DIAPH1: variants seen among roughly 807,000 people sequenced by gnomAD.
The protein encoded by DIAPH1 is diaphanous related formin 1, also known as protein diaphanous homolog 1.
DIAPH1 carries 46 observed loss-of-function variants against 140.7 expected under a neutral mutation model. The observed-to-expected ratio is 0.33, with a 90% CI of 0.26 to 0.42. The LOEUF is 0.42. Among genes scored for constraint, DIAPH1 ranks in the 10% least tolerant of loss-of-function variants. DIAPH1 has a pLI of 1.00. For synonymous variants in DIAPH1, 565 were observed against 551.6 expected (o/e 1.02, Z -0.34); for missense variants, 1,310 against 1,558.7 (o/e 0.84, Z 2.69).
At chr5:141,535,357 C>T (rs186511151) in intron 18 of DIAPH1, among the ~76,000 whole-genome samples, 9 of 152,310 alleles carry the variant, frequency 5.9e-5, no homozygotes, top group Non-Finnish European at 1.0e-4. Context: ...TTCAGACTAT[C>T]CAAAGCCATC....
chr5:141,526,869 T>C (rs997099284), intron 24 of DIAPH1, among the ~76,000 whole-genome samples: 10 of 151,704 alleles, frequency 6.6e-5, no homozygotes, highest in Non-Finnish European at 1.5e-5. Flanking sequence ...GCTGATTTTT[T>C]TGTATTTTTA....
rs2099885516 is a variant in DIAPH1, at chr5:141,515,300, G to C, written c.*1551C>G. On this transcript the variant is annotated 3_prime_UTR_variant, in exon 28 of 28. Coordinates refer to ENST00000389054, the MANE Select transcript of DIAPH1 (RefSeq NM_005219.5). ...GGAATAGTCCAAAGGAGCTGCTCTT[G>C]CCCCTTTATACACAAGCGCCAGCAA... 1 of 152,268 alleles carries C rather than the reference G, an allele frequency of 6.6e-6. No individual in the cohort carries two copies. The highest frequency in any genetic ancestry group is 1.5e-5 in the Non-Finnish European group (1 of 68,058). 9.4% of individuals were successfully genotyped at this position (152,268 alleles called of 1,614,324 possible).
chr5:141,536,251 G>T lies in DIAPH1; in HGVS notation c.2483-1818C>A, dbSNP rs555229571. On this transcript the variant is annotated intron_variant, in intron 18 of 27. Coordinates refer to ENST00000389054, the MANE Select transcript of DIAPH1 (RefSeq NM_005219.5). ...CAGGAGATTGAGGCTGCAGTGAGCT[G>T]TGATGGTGCCACTGCACTCCAGCCT... Among the ~76,000 whole-genome samples the T allele has an allele frequency of 2.0e-5, 3 of 152,290 alleles. No individual in the cohort carries two copies. In the East Asian group the frequency reaches 5.8e-4, roughly 29 times the overall value.
At chr5:141,595,885 T>G (rs563705250) in intron 1 of DIAPH1, among the ~76,000 whole-genome samples, 1 of 152,144 alleles carries the variant, frequency 6.6e-6, no homozygotes, top group South Asian at 2.1e-4. Flanking sequence ...AAAAAAAGGC[T>G]TAAAAAAATT....
At chr5:141,566,649 C>G (rs1484900626) in intron 18 of DIAPH1, among the ~76,000 whole-genome samples, 2 of 152,160 alleles carry the variant, frequency 1.3e-5, no homozygotes, top group African/African-American at 4.8e-5. Context: ...AATCCCAGCA[C>G]TTTGGGAGGC....
At chr5:141,584,588 TA>T (rs2154596627) in intron 3 of DIAPH1, among the ~76,000 whole-genome samples, 1 of 152,224 alleles carries the variant, frequency 6.6e-6, no homozygotes, top group African/African-American at 2.4e-5. Context: ...ATGAATGGCA[TA>T]ATCTAAACAC....
At chr5:141,587,967 A>T (rs2099897791) in intron 2 of DIAPH1, among the ~76,000 whole-genome samples, 1 of 152,226 alleles carries the variant, frequency 6.6e-6, no homozygotes, top group Admixed American at 6.5e-5. Flanking sequence ...TAGGGCTTCA[A>T]GTGATATGAG....
chr5:141,609,963 A>G (rs544842835), intron 1 of DIAPH1, among the ~76,000 whole-genome samples: 1 of 152,314 alleles, frequency 6.6e-6, no homozygotes, highest in South Asian at 2.1e-4. Context: ...GCATGATAGA[A>G]AAGAGGGAAA....
In DIAPH1 at chr5:141,562,233, GAAC is replaced by G. The variant is rs1382468011; in HGVS notation, c.2482+9192_2482+9194del. Among the ~76,000 whole-genome samples the G allele has an allele frequency of 9.3e-3, 1,152 of 124,362 alleles. 19 individuals are homozygous for G. Among genetic ancestry groups the G allele is most frequent in the African/African-American group, 0.028 (1,093 of 38,708 alleles). The allele number at this position is 124,362 out of a possible 152,430, so 81.6% of individuals were successfully genotyped here. On this transcript the variant is annotated intron_variant, in intron 18 of 27. Coordinates refer to ENST00000389054, the MANE Select transcript of DIAPH1 (RefSeq NM_005219.5). The stretch of plus-strand genomic sequence containing the variant: ...TAGCTACTGTTTCAAAAAAAAAAAA[GAAC>G]AATTATTTCATTACTCTACTTTTGT...
intron 1 of DIAPH1, among the ~76,000 whole-genome samples, chr5:141,592,851 C>T (rs2099898710): frequency 6.6e-6 from 1 of 152,124 alleles, no homozygotes; most frequent in South Asian, 2.1e-4. Flanking sequence ...CCAAATCTGG[C>T]TTAGGAATCC....
rs1263533400 is a variant in DIAPH1, at chr5:141,576,804, G to T, written c.1348C>A (p.Pro450Thr). 6 of 1,614,006 alleles carry T rather than the reference G, an allele frequency of 3.7e-6. No individual in the cohort carries two copies. The highest frequency in any genetic ancestry group is 5.1e-6 in the Non-Finnish European group (6 of 1,179,924). ...QIVLHKNGAD[P>T]DFKCRHLQIE... ...TGGAGGTGCCGGCACTTGAAGTCAGGATCAGCCCCGTTCTTGTGCAGAACT... is the reference window on the plus strand; with the variant it reads ...TGGAGGTGCCGGCACTTGAAGTCAGTATCAGCCCCGTTCTTGTGCAGAACT... Residue 450 changes from proline (P) to threonine (T), a missense_variant, in exon 13 of 28, where the codon CCT (proline) becomes ACT (threonine). Physicochemically the swap from Pro to Thr is conservative, Grantham distance 38 (BLOSUM62 -1). Around this residue, in one of 3 missense-constraint regions of DIAPH1, gnomAD observed 589 missense variants for 549.3 expected, o/e 1.07. Transcript: ENST00000389054.
At position 141,587,084 on chromosome 5, in the gene DIAPH1, A is replaced by G. The variant is rs758866079; in HGVS notation, c.258T>C (p.Asp86=). 2.5e-6 allele frequency: 4 copies of G among 1,614,060 alleles called. No individual in the cohort carries two copies. The highest frequency in any genetic ancestry group is 3.3e-5 in the Admixed American group (2 of 60,002). Residue 86 remains aspartate (D), a synonymous_variant, in exon 3 of 28, where the codon GAT becomes GAC. Transcript: ENST00000389054. ...GAACCAGCACTTGTTCATCTGAAAC[A>G]TCTTGCAATGACTGTGCTGTGGGAT... is the stretch of plus-strand genomic sequence containing the variant. ...GDDPTAQSLQ[D]VSDEQVLVLF...
At chr5:141,544,661 A>T (rs2099890514) in intron 18 of DIAPH1, among the ~76,000 whole-genome samples, 1 of 152,348 alleles carries the variant, frequency 6.6e-6, no homozygotes, top group Admixed American at 6.5e-5. Flanking sequence ...ACTAGGAATT[A>T]AACTCATTAG....
intron 18 of DIAPH1, among the ~76,000 whole-genome samples, chr5:141,569,729 C>G (rs1406380957): frequency 6.6e-6 from 1 of 151,818 alleles, no homozygotes; most frequent in Non-Finnish European, 1.5e-5. Context: ...CCAGTGCACT[C>G]CAGCCTGGGC....
At chr5:141,554,703 C>T (rs1191474341) in intron 18 of DIAPH1, among the ~76,000 whole-genome samples, 2 of 152,144 alleles carry the variant, frequency 1.3e-5, no homozygotes, top group East Asian at 3.8e-4. Context: ...TAACAGATCA[C>T]ATTCAAGTTA....
intron 1 of DIAPH1, among the ~76,000 whole-genome samples, chr5:141,618,253 G>A (rs537585002): frequency 6.6e-6 from 1 of 152,218 alleles, no homozygotes; most frequent in South Asian, 2.1e-4. Context: ...GCTCAAGTCA[G>A]GTAACATTCC....
At chr5:141,582,837 T>G (rs1005339590) in intron 6 of DIAPH1, among the ~76,000 whole-genome samples, 9 of 152,214 alleles carry the variant, frequency 5.9e-5, no homozygotes, top group African/African-American at 2.2e-4. Context: ...ATTCCAACCT[T>G]GAAGACTGTC....
intron 23 of DIAPH1, 106 bp from the exon 24 acceptor site, chr5:141,527,803 G>GTCTATACACACA: frequency 7.6e-7 from 1 of 1,318,110 alleles, no homozygotes; most frequent in Non-Finnish European, 1.0e-6. Flanking sequence ...CATAGCTTCA[G>GTCTATACACACA]TCTATACACA....
intron 18 of DIAPH1, among the ~76,000 whole-genome samples, chr5:141,549,190 G>C (rs1470494469): frequency 6.6e-6 from 1 of 152,086 alleles, no homozygotes; most frequent in Non-Finnish European, 1.5e-5. Context: ...CAGATATATT[G>C]AGAGTAAAAT....
Sources: gnomAD v4.1 joint callset for allele counts (sites outside exome capture counted in the v4.1 genomes callset) on GRCh38, gnomAD v4.1.1 for gene constraint, gnomAD v4.1.1 regional missense constraint, MANE v1.5 for transcripts, NCBI Gene and HGNC (gene_info 2026-07-23, HGNC 2026-07-21) for gene names.